Variants in SLC28A2 observed in about 807,000 individuals in gnomAD.
The protein encoded by SLC28A2 is solute carrier family 28 member 2.
Under a neutral mutation model 72.9 loss-of-function variants are expected in SLC28A2, and 69 were observed. The observed-to-expected ratio is 0.95, with a 90% CI of 0.78 to 1.16. SLC28A2 has a LOEUF of 1.16. Ranked by LOEUF, SLC28A2 falls within the 50% of genes most tolerant of loss-of-function variation. The pLI, the probability that SLC28A2 is intolerant of heterozygous loss-of-function variation, is 0.00. For synonymous variants in SLC28A2, 296 were observed against 294.1 expected, an observed-to-expected ratio of 1.01 and a Z score of -0.07; for missense variants, 745 against 791.1, an observed-to-expected ratio of 0.94 and a Z score of 0.70.
intron 14 of SLC28A2, 96 bp from the exon 15 acceptor site, chr15:45,270,099 A>T: frequency 6.2e-6 from 5 of 810,632 alleles, no homozygotes; most frequent in South Asian, 4.3e-5. Flanking sequence ...CATGGAAAAG[A>T]CTGGGGGCTG....
At chr15:45,266,408 TC>T (rs1374052438) in intron 10 of SLC28A2, among the ~76,000 whole-genome samples, 1 of 152,130 alleles carries the variant, frequency 6.6e-6, no homozygotes, top group Non-Finnish European at 1.5e-5. Context: ...AATGAACACT[TC>T]CTACGTAGGA....
rs780049085 is a variant in SLC28A2 at position 45,275,433 on chromosome 15, G to C, written c.1897G>C (p.Gly633Arg). ...TGGCACCAACCCTCCTTCTTTTTCTGGTCCCTGGGAAGATAAGGAGTTCAG... is the reference window on the plus strand; with the variant it reads ...TGGCACCAACCCTCCTTCTTTTTCTCGTCCCTGGGAAGATAAGGAGTTCAG... ...LNGTNPPSFSGPWEDKEFSAM... is the reference protein window; with the variant it reads ...LNGTNPPSFSRPWEDKEFSAM... Residue 633 changes from glycine (G) to arginine (R), a missense_variant, in exon 18 of 18, where the codon GGT becomes CGT. By Grantham distance (125) the Gly-to-Arg change is moderately radical (BLOSUM62 -2). Coordinates refer to ENST00000347644, the MANE Select transcript of SLC28A2 (RefSeq NM_004212.4). 2.5e-6 allele frequency: 4 copies of C among 1,613,522 alleles called. No homozygotes were observed. Among genetic ancestry groups the C allele is most frequent in the Non-Finnish European group, 3.4e-6 (4 of 1,179,578 alleles).
chr15:45,263,830 T>C (rs374724908), intron 5 of SLC28A2, 51 bp from the exon 6 acceptor site: 68 of 1,557,336 alleles, frequency 4.4e-5, no homozygotes, highest in African/African-American at 2.9e-4. Context: ...TGTAAGTTAT[T>C]TGTTTTTCAT....
At chr15:45,275,300 G>T (rs12443261) in intron 17 of SLC28A2, 96 bp from the exon 18 acceptor site, 1 of 724,240 alleles carries the variant, frequency 1.4e-6, no homozygotes, top group Admixed American at 2.4e-5. Flanking sequence ...ACAGGTTTTT[G>T]TTTTTGTTTT....
chr15:45,257,225 C>T (rs2413774), intron 3 of SLC28A2, among the ~76,000 whole-genome samples: 71,906 of 152,088 alleles, frequency 0.47, 20,717 homozygotes, highest in Non-Finnish European at 0.67. Flanking sequence ...TGAAACTTTC[C>T]CTGATGCTGC....
chr15:45,270,174 ATTTATT>A lies in SLC28A2; in HGVS notation c.1567-17_1567-12del. On this transcript the variant is annotated splice_polypyrimidine_tract_variant and intron_variant, in intron 14 of 17. Transcript: ENST00000347644. ...CGCATGGGACTGAATTTATTTGCTT[ATTTATT>A]TTTGTTTTCCCTAGGTGAGAGCTGA... 1 of 1,572,400 alleles carries A rather than the reference ATTTATT, an allele frequency of 6.4e-7. No homozygotes were observed. Among genetic ancestry groups the A allele is most frequent in the Non-Finnish European group, 8.8e-7 (1 of 1,142,200 alleles).
intron 1 of SLC28A2, among the ~76,000 whole-genome samples, chr15:45,252,509 C>T (rs1899824096): frequency 6.6e-6 from 1 of 152,186 alleles, no homozygotes; most frequent in Non-Finnish European, 1.5e-5. Flanking sequence ...ATAAATATCT[C>T]AGAATGAACT....
chr15:45,263,291 ACCT>A lies in SLC28A2; in HGVS notation c.446+51_446+53del, dbSNP rs755352512. ...CTGGCCTCACAGCTTATCCCAGCCC[ACCT>A]CCTTTTTTCTCTTTTGATAGTTGCT... On this transcript the variant is annotated intron_variant, in intron 5 of 17. Coordinates refer to ENST00000347644, the MANE Select transcript of SLC28A2 (RefSeq NM_004212.4). The A allele has an allele frequency of 3.2e-6, 5 of 1,570,346 alleles. No homozygotes were observed. The Admixed American group carries it at 7.3e-5, about 23-fold the overall frequency.
chr15:45,267,417 A>G (rs1215911648), intron 10 of SLC28A2, 38 bp from the exon 11 acceptor site: 1 of 1,612,632 alleles, frequency 6.2e-7, no homozygotes, highest in Non-Finnish European at 8.5e-7. Context: ...GGGGAGTTAC[A>G]CCTTCTTGGA....
In SLC28A2 at chr15:45,269,354, T is replaced by G; in HGVS notation, c.1385T>G (p.Leu462Arg). ...GLTFQVICSY[L>R]LRPMVFMMGV... ...TTCACTCAGGTCATCTGCTCCTATC[T>G]CCTAAGGCCCATGGTTTTCATGATG... Residue 462 changes from leucine (L) to arginine (R), a missense_variant, in exon 14 of 18, where the codon CTC becomes CGC. Leu to Arg is a moderately radical substitution (Grantham distance 102, BLOSUM62 -2). Coordinates refer to ENST00000347644, the MANE Select transcript of SLC28A2 (RefSeq NM_004212.4). 1 of 1,613,816 alleles carries G rather than the reference T, an allele frequency of 6.2e-7. No individual in the cohort carries two copies. Among genetic ancestry groups the G allele is most frequent in the Non-Finnish European group, 8.5e-7 (1 of 1,179,812 alleles).
At chr15:45,264,914 G>A in intron 7 of SLC28A2, 146 bp downstream of exon 7, 1 of 729,942 alleles carries the variant, frequency 1.4e-6, no homozygotes, top group Non-Finnish European at 2.4e-6. Context: ...CTAGGATACA[G>A]CTAAGAATAT....
At chr15:45,256,443 C>G (rs1185532460) in intron 3 of SLC28A2, among the ~76,000 whole-genome samples, 1 of 151,980 alleles carries the variant, frequency 6.6e-6, no homozygotes, top group Non-Finnish European at 1.5e-5. Context: ...GAAACGGAGT[C>G]TCACTCTGTC....
In SLC28A2 at chr15:45,272,879, A is replaced by G. The variant is rs147655497; in HGVS notation, c.1859+95A>G. On this transcript the variant is annotated intron_variant, in intron 17 of 17. Transcript: ENST00000347644. ...TTGCATAGAGTGTATAAGGGCTGTGAGTATTGGTAATGGCCTAGATCAGTG... is the reference window on the plus strand; with the variant it reads ...TTGCATAGAGTGTATAAGGGCTGTGGGTATTGGTAATGGCCTAGATCAGTG... 7.8e-4 allele frequency: 540 copies of G among 690,094 alleles called. 1 individual carries two copies. Among genetic ancestry groups the G allele is most frequent in the African/African-American group, 6.6e-3 (371 of 56,228 alleles). 42.7% of individuals were successfully genotyped at this position (690,094 alleles called of 1,614,324 possible).
chr15:45,263,732 G>T, intron 5 of SLC28A2, 149 bp from the exon 6 acceptor site: 12 of 640,690 alleles, frequency 1.9e-5, no homozygotes, highest in Admixed American at 3.4e-5. Flanking sequence ...ATTCTGAACT[G>T]GCGTCTACAG....
chr15:45,265,559 C>T, intron 8 of SLC28A2, 24 bp from the exon 9 acceptor site: 1 of 1,544,038 alleles, frequency 6.5e-7, no homozygotes, highest in Non-Finnish European at 9.0e-7. Flanking sequence ...AACATCTCAC[C>T]ACCTGCTACC....
chr15:45,263,529 CTTCAGTGAAG>C (rs1900228860), intron 5 of SLC28A2, among the ~76,000 whole-genome samples: 1 of 152,186 alleles, frequency 6.6e-6, no homozygotes, highest in South Asian at 2.1e-4. Flanking sequence ...TCATACTCCT[CTTCAGTGAAG>C]TAATCAGAAC....
At chr15:45,265,851 A>T (rs1900316991) in intron 9 of SLC28A2, among the ~76,000 whole-genome samples, 188 bp downstream of exon 9, 1 of 152,182 alleles carries the variant, frequency 6.6e-6, no homozygotes, top group African/African-American at 2.4e-5. Context: ...CAGAGAGAAG[A>T]TGAGCTGGAC....
At chr15:45,272,961 G>A (rs112880048) in intron 17 of SLC28A2, among the ~76,000 whole-genome samples, 177 bp downstream of exon 17, 325 of 152,226 alleles carry the variant, frequency 2.1e-3, no homozygotes, top group African/African-American at 7.6e-3. Flanking sequence ...CCAGCGACAG[G>A]GTCTACCTGT....
At chr15:45,265,485 T>C in intron 8 of SLC28A2, 98 bp from the exon 9 acceptor site, 2 of 853,020 alleles carry the variant, frequency 2.3e-6, no homozygotes, top group Admixed American at 1.8e-5. Flanking sequence ...ACCTACACTG[T>C]ATGAGATACC....
Sources: allele counts gnomAD v4.1 joint callset (sites outside exome capture counted in the v4.1 genomes callset), GRCh38; gene constraint gnomAD v4.1.1; transcripts MANE v1.5; gene names NCBI Gene and HGNC (gene_info 2026-07-23, HGNC 2026-07-21).